SCARA5: variants seen among roughly 807,000 people sequenced by gnomAD.
The protein encoded by SCARA5 is scavenger receptor class A, member 5 (putative).
In SCARA5, 45 loss-of-function variants were observed where a neutral mutation model predicts 46.3. That is an observed-to-expected ratio of 0.97 (90% CI 0.76 to 1.24). SCARA5 has a LOEUF of 1.24. Among genes scored for constraint, SCARA5 ranks in the 50% most tolerant of loss-of-function variants. SCARA5 has a pLI of 0.00. For synonymous variants in SCARA5, 333 were observed against 306.5 expected, an observed-to-expected ratio of 1.09 and a Z score of -0.90; for missense variants, 680 against 689.0, an observed-to-expected ratio of 0.99 and a Z score of 0.15.
At chr8:27,902,661 A>C (rs1585475390) in intron 7 of SCARA5, among the ~76,000 whole-genome samples, 1 of 152,272 alleles carries the variant, frequency 6.6e-6, no homozygotes, top group East Asian at 1.9e-4. Context: ...TTTATTTCTC[A>C]GAACTAAATG....
intron 2 of SCARA5, among the ~76,000 whole-genome samples, chr8:27,982,374 A>AGGGGG (rs1808634951): frequency 2.0e-5 from 1 of 48,866 alleles, no homozygotes; most frequent in Non-Finnish European, 4.1e-5. Flanking sequence ...GGAGAAAGGA[A>AGGGGG]GGTGGGGGTG....
intron 4 of SCARA5, among the ~76,000 whole-genome samples, chr8:27,920,046 C>A (rs1211343605): frequency 1.3e-5 from 2 of 151,606 alleles, no homozygotes; most frequent in Admixed American, 1.3e-4. Context: ...GTGAGTGCAG[C>A]AGGAAGGAAT....
intron 3 of SCARA5, among the ~76,000 whole-genome samples, chr8:27,963,396 G>C (rs192679165): frequency 6.6e-6 from 1 of 152,368 alleles, no homozygotes; most frequent in African/African-American, 2.4e-5. Flanking sequence ...GGAACGGTCA[G>C]CCAAGGTAAT....
intron 7 of SCARA5, among the ~76,000 whole-genome samples, chr8:27,901,837 C>A (rs1807159699): frequency 6.6e-6 from 1 of 152,222 alleles, no homozygotes; most frequent in African/African-American, 2.4e-5. Context: ...AGACCAGGGG[C>A]CGAAGCCCCC....
intron 3 of SCARA5, among the ~76,000 whole-genome samples, chr8:27,931,246 A>G (rs548108036): frequency 6.6e-6 from 1 of 152,330 alleles, no homozygotes; most frequent in African/African-American, 2.4e-5. Flanking sequence ...GTGCAGTCAC[A>G]CGGGGCCCCA....
At chr8:27,987,654 G>T (rs779103708) in intron 1 of SCARA5, 24 bp from the exon 2 acceptor site, 3 of 1,403,856 alleles carry the variant, frequency 2.1e-6, no homozygotes, top group South Asian at 2.3e-5. Flanking sequence ...AAGAGGGGAG[G>T]AGAGGGAGGA....
chr8:27,975,420 G>A (rs142449869), intron 2 of SCARA5, among the ~76,000 whole-genome samples: 3 of 152,278 alleles, frequency 2.0e-5, no homozygotes, highest in African/African-American at 7.2e-5. Flanking sequence ...AACTCAGGGT[G>A]GGAGTCCTGG....
intron 3 of SCARA5, among the ~76,000 whole-genome samples, chr8:27,965,329 G>C (rs975058009): frequency 6.6e-6 from 1 of 152,200 alleles, no homozygotes; most frequent in Admixed American, 6.5e-5. Context: ...CCAGATTCCT[G>C]CCCTGGGCTT....
intron 3 of SCARA5, among the ~76,000 whole-genome samples, chr8:27,952,457 G>A (rs530182363): frequency 2.0e-5 from 3 of 152,256 alleles, no homozygotes; most frequent in African/African-American, 7.2e-5. Context: ...CTTGCACAGG[G>A]AGTGGTCAGG....
intron 2 of SCARA5, among the ~76,000 whole-genome samples, chr8:27,975,797 C>T (rs1303020758): frequency 6.6e-6 from 1 of 152,102 alleles, no homozygotes; most frequent in Non-Finnish European, 1.5e-5. Flanking sequence ...GACGGCTCAG[C>T]GAGGGCACCC....
At chr8:27,985,072 T>C (rs1808686263) in intron 2 of SCARA5, among the ~76,000 whole-genome samples, 1 of 152,178 alleles carries the variant, frequency 6.6e-6, no homozygotes, top group Non-Finnish European at 1.5e-5. Flanking sequence ...GAGACATCAA[T>C]AAGCAAAACA....
chr8:27,984,507 T>TCTATCCATTCATTCATCCAC (rs1808670664), intron 2 of SCARA5, among the ~76,000 whole-genome samples: 3 of 152,202 alleles, frequency 2.0e-5, no homozygotes, highest in Admixed American at 1.3e-4. Context: ...TATTCATTCA[T>TCTATCCATTCATTCATCCAC]CTATCCATTC....
At chr8:27,895,226 G>A (rs536107502) in intron 7 of SCARA5, among the ~76,000 whole-genome samples, 38 of 152,260 alleles carry the variant, frequency 2.5e-4, no homozygotes, top group African/African-American at 6.0e-4. Context: ...GGGATAATTC[G>A]GACCATCTGC....
chr8:27,933,248 A>C (rs970001122), intron 3 of SCARA5, among the ~76,000 whole-genome samples: 1 of 152,050 alleles, frequency 6.6e-6, no homozygotes, highest in African/African-American at 2.4e-5. Flanking sequence ...TCAGCTGGGC[A>C]CAGTGGCTCA....
In SCARA5 at chr8:27,870,172, G is replaced by C. The variant is rs1806611432; in HGVS notation, c.*1762C>G. The C allele has an allele frequency of 6.6e-6, 1 of 151,380 alleles. No individual in the cohort carries two copies. The highest frequency in any genetic ancestry group is 1.5e-5 in the Non-Finnish European group (1 of 67,934). 9.4% of individuals were successfully genotyped at this position (151,380 alleles called of 1,614,324 possible). A position where few individuals can be genotyped will look rare whatever the true frequency, so the allele number is the denominator to read the frequency against. On this transcript the variant is annotated 3_prime_UTR_variant, in exon 9 of 9. Coordinates refer to ENST00000354914, the MANE Select transcript of SCARA5 (RefSeq NM_173833.6). ...TAACTGGATTCTTTGCCAGAACCGG[G>C]TTGGGAATTTAGTTTGTTCAATGTG...
chr8:27,884,132 G>A (rs75544265), intron 7 of SCARA5, among the ~76,000 whole-genome samples: 4,101 of 152,234 alleles, frequency 0.027, 203 homozygotes, highest in African/African-American at 0.094. Flanking sequence ...AGACTACAGC[G>A]AGAGCACCAG....
chr8:27,961,763 G>A (rs1207301310), intron 3 of SCARA5, among the ~76,000 whole-genome samples: 9 of 152,104 alleles, frequency 5.9e-5, no homozygotes, highest in Admixed American at 5.9e-4. Flanking sequence ...ATATAACATG[G>A]TAGATGTGTT....
intron 5 of SCARA5, among the ~76,000 whole-genome samples, chr8:27,907,728 C>T (rs1358734221): frequency 6.6e-6 from 1 of 152,056 alleles, no homozygotes; most frequent in Non-Finnish European, 1.5e-5. Context: ...CGCCGCCACG[C>T]CCAGCTAATA....
chr8:27,885,177 G>A (rs1414287867), intron 7 of SCARA5, among the ~76,000 whole-genome samples: 2 of 152,142 alleles, frequency 1.3e-5, no homozygotes, highest in East Asian at 1.9e-4. Context: ...AGTGAACAAG[G>A]AAGAGGGTGG....
Sources: allele counts gnomAD v4.1 joint callset (sites outside exome capture counted in the v4.1 genomes callset), GRCh38; gene constraint gnomAD v4.1.1; transcripts MANE v1.5; gene names NCBI Gene and HGNC (gene_info 2026-07-23, HGNC 2026-07-21).